KCNJ3: variants seen among roughly 807,000 people sequenced by gnomAD.
The protein encoded by KCNJ3 is G protein-activated inward rectifier potassium channel 1.
Under a neutral mutation model 39.2 loss-of-function variants are expected in KCNJ3, and 4 were observed. That is an observed-to-expected ratio of 0.10 (90% CI 0.05 to 0.23). The LOEUF (loss-of-function observed/expected upper bound fraction) is 0.23, where lower values mean the gene tolerates loss of function less well. Ranked by LOEUF, KCNJ3 falls within the 10% of genes least tolerant of loss-of-function variation. The probability of loss-of-function intolerance (pLI) is 1.00; values close to 1 mark genes in which losing one functional copy is unlikely to be tolerated. For missense variants in KCNJ3, 276 were observed against 634.9 expected (o/e 0.43, Z 6.08); for synonymous variants, 230 against 237.4 (o/e 0.97, Z 0.29).
At chr2:154,714,338 TTC>T (rs140316224) in intron 2 of KCNJ3, among the ~76,000 whole-genome samples, 8,063 of 152,128 alleles carry the variant, frequency 0.053, 710 homozygotes, top group African/African-American at 0.18. Flanking sequence ...TTTCCCCGCT[TTC>T]TCTCTCTCTT....
At chr2:154,839,498 A>G (rs1457298740) in intron 2 of KCNJ3, among the ~76,000 whole-genome samples, 3 of 152,198 alleles carry the variant, frequency 2.0e-5, no homozygotes, top group African/African-American at 2.4e-5. Context: ...TAGATCCTTG[A>G]GAAATTGCCA....
At chr2:154,792,336 C>T (rs561777676) in intron 2 of KCNJ3, among the ~76,000 whole-genome samples, 1 of 152,174 alleles carries the variant, frequency 6.6e-6, no homozygotes, top group South Asian at 2.1e-4. Context: ...TCTGATGACA[C>T]ACTCCACTGA....
chr2:154,709,439 T>C, intron 1 of KCNJ3, 164 bp from the exon 2 acceptor site: 1 of 661,630 alleles, frequency 1.5e-6, no homozygotes, highest in Non-Finnish European at 2.6e-6. Flanking sequence ...CTATGTGGGA[T>C]TTCGGCCCAT....
intron 2 of KCNJ3, among the ~76,000 whole-genome samples, chr2:154,762,548 G>C (rs1686062972): frequency 6.6e-6 from 1 of 152,222 alleles, no homozygotes; most frequent in South Asian, 2.1e-4. Flanking sequence ...CTTCTTTACA[G>C]AAGTGTTCCC....
chr2:154,833,485 A>G (rs1687396795), intron 2 of KCNJ3, among the ~76,000 whole-genome samples: 1 of 152,158 alleles, frequency 6.6e-6, no homozygotes, highest in African/African-American at 2.4e-5. Context: ...TTCTCACACC[A>G]TCAGTTTGCA....
chr2:154,745,759 C>G (rs1267411951), intron 2 of KCNJ3, among the ~76,000 whole-genome samples: 1 of 151,990 alleles, frequency 6.6e-6, no homozygotes, highest in Non-Finnish European at 1.5e-5. Flanking sequence ...GAAACCTGGA[C>G]ATTAATTGAA....
chr2:154,852,873 T>A (rs1007603680), intron 2 of KCNJ3, among the ~76,000 whole-genome samples: 1 of 152,146 alleles, frequency 6.6e-6, no homozygotes, highest in South Asian at 2.1e-4. Flanking sequence ...AACACGGATA[T>A]CTGATCATAG....
intron 2 of KCNJ3, among the ~76,000 whole-genome samples, chr2:154,788,224 C>G (rs1381184176): frequency 6.6e-6 from 1 of 151,996 alleles, no homozygotes; most frequent in African/African-American, 2.4e-5. Flanking sequence ...ATAAAATCTA[C>G]ATAAGTATAG....
intron 1 of KCNJ3, among the ~76,000 whole-genome samples, chr2:154,706,146 G>A (rs1050843040): frequency 2.6e-5 from 4 of 151,770 alleles, no homozygotes; most frequent in African/African-American, 4.8e-5. Context: ...AACTTTTAGC[G>A]ATCGCTTTGA....
intron 2 of KCNJ3, among the ~76,000 whole-genome samples, chr2:154,718,904 A>C (rs569079118): frequency 6.6e-6 from 1 of 152,290 alleles, no homozygotes; most frequent in South Asian, 2.1e-4. Flanking sequence ...GGATAAAGGA[A>C]GTCAGCAAGC....
chr2:154,761,433 A>G (rs982088597), intron 2 of KCNJ3, among the ~76,000 whole-genome samples: 1 of 152,066 alleles, frequency 6.6e-6, no homozygotes, highest in African/African-American at 2.4e-5. Flanking sequence ...TATTTTTGTC[A>G]TTTGATCTCT....
chr2:154,750,063 C>A (rs1002758048), intron 2 of KCNJ3, among the ~76,000 whole-genome samples: 1 of 151,952 alleles, frequency 6.6e-6, no homozygotes, highest in Admixed American at 6.6e-5. Context: ...TAGTGAATAG[C>A]AATAAAGCAA....
At position 154,812,381 on chromosome 2, in the gene KCNJ3, A is replaced by G. The variant is rs544236559; in HGVS notation, c.920-42346A>G. ...AGGACACAGAATATATCCAACTTTT[A>G]GGTGAAAAAGAAGAGTTAGGACAAA... On this transcript the variant is annotated intron_variant, in intron 2 of 2. Coordinates refer to ENST00000295101, the MANE Select transcript of KCNJ3 (RefSeq NM_002239.4). Among the ~76,000 whole-genome samples, 4 of 152,294 alleles carry G rather than the reference A, an allele frequency of 2.6e-5. No homozygotes were observed. In the South Asian group the frequency reaches 8.3e-4, roughly 32 times the overall value.
intron 2 of KCNJ3, among the ~76,000 whole-genome samples, chr2:154,726,819 A>T (rs1685366148): frequency 6.6e-6 from 1 of 150,664 alleles, no homozygotes; most frequent in Admixed American, 6.6e-5. Flanking sequence ...ACACACACAC[A>T]CACACACACA....
chr2:154,819,837 A>G (rs1687141956), intron 2 of KCNJ3, among the ~76,000 whole-genome samples: 1 of 151,962 alleles, frequency 6.6e-6, no homozygotes, highest in Admixed American at 6.6e-5. Flanking sequence ...ATACAACACT[A>G]TTATTATATA....
In KCNJ3 at chr2:154,857,966, GGAATAA is replaced by G. The variant is rs1687871715; in HGVS notation, c.*2654_*2659del. 1 of 73,306 alleles carries G rather than the reference GGAATAA, an allele frequency of 1.4e-5. No homozygotes were observed. Among genetic ancestry groups the G allele is most frequent in the South Asian group, 4.3e-4 (1 of 2,318 alleles). 4.5% of individuals were successfully genotyped at this position (73,306 alleles called of 1,614,324 possible). A position where few individuals can be genotyped will look rare whatever the true frequency, so the allele number is the denominator to read the frequency against. On this transcript the variant is annotated 3_prime_UTR_variant, in exon 3 of 3. Transcript: ENST00000295101. ...GTAACATAATGCAAAGTAACTGTGTGGAATAAAAATTGATTATTTTAGAAAATGTGA... is the reference window on the plus strand; with the variant it reads ...GTAACATAATGCAAAGTAACTGTGTGAAATTGATTATTTTAGAAAATGTGA...
intron 2 of KCNJ3, among the ~76,000 whole-genome samples, chr2:154,840,088 T>C (rs1687549289): frequency 6.6e-6 from 1 of 152,224 alleles, no homozygotes; most frequent in Non-Finnish European, 1.5e-5. Flanking sequence ...TTTAAGTCTT[T>C]AATGCATCTT....
Position 154,698,729 on chromosome 2 carries a change from T to C in KCNJ3, c.-47T>C. On this transcript the variant is annotated 5_prime_UTR_variant, in exon 1 of 3. Transcript: ENST00000295101. ...TTGGTGCTAGTTTGCAGCGCCCAGC[T>C]CCTGCGCCTTCGCTTCGCGTTTGAA... is the stretch of plus-strand genomic sequence containing the variant. The C allele has an allele frequency of 1.4e-6, 1 of 737,560 alleles. No individual in the cohort carries two copies. Among genetic ancestry groups the C allele is most frequent in the Non-Finnish European group, 2.1e-6 (1 of 478,416 alleles). The allele number at this position is 737,560 out of a possible 1,614,324, so 45.7% of individuals were successfully genotyped here. A position where few individuals can be genotyped will look rare whatever the true frequency, so the allele number is the denominator to read the frequency against.
intron 2 of KCNJ3, among the ~76,000 whole-genome samples, chr2:154,711,550 T>C (rs3106658): frequency 0.53 from 80,483 of 151,888 alleles, 22,082 homozygotes; most frequent in African/African-American, 0.67. Flanking sequence ...TTGTTAGGAG[T>C]GAATGCGTTT....
Sources: gnomAD v4.1 joint callset for allele counts (sites outside exome capture counted in the v4.1 genomes callset) on GRCh38, gnomAD v4.1.1 for gene constraint, MANE v1.5 for transcripts, NCBI Gene and HGNC (gene_info 2026-07-23, HGNC 2026-07-21) for gene names.